The following FAM169A variants were observed in gnomAD, a reference collection of about 807,000 sequenced individuals.
FAM169A encodes family with sequence similarity 169 member A, also known as soluble lamin-associated protein of 75 kDa.
A neutral mutation model predicts 75.7 loss-of-function variants in FAM169A; 24 were observed. The ratio of observed to expected loss-of-function variants is 0.32; its 90% CI spans 0.23 to 0.45. The LOEUF is 0.45. FAM169A is among the 20% of genes least tolerant of loss of function. The pLI is 1.00. For synonymous variants in FAM169A, 271 were observed against 271.0 expected (o/e 1.00, Z 0.00); for missense variants, 673 against 784.0 (o/e 0.86, Z 1.69).
At chr5:74,798,021 G>A (rs965703360) in intron 10 of FAM169A, among the ~76,000 whole-genome samples, 11 of 152,192 alleles carry the variant, frequency 7.2e-5, no homozygotes, top group Non-Finnish European at 1.3e-4. Context: ...ATAGTTGGTG[G>A]ACCTTTACAC....
At chr5:74,794,781 A>C (rs1414395266) in intron 11 of FAM169A, among the ~76,000 whole-genome samples, 1 of 150,644 alleles carries the variant, frequency 6.6e-6, no homozygotes, top group African/African-American at 2.4e-5. Context: ...TCCGTCTCAA[A>C]AAAAAAAAAA....
chr5:74,799,392 G>T, intron 10 of FAM169A: 3 of 1,613,112 alleles, frequency 1.9e-6, no homozygotes, highest in Non-Finnish European at 2.5e-6. Flanking sequence ...ACTGGTGGGT[G>T]AGCAAGCACA....
intron 5 of FAM169A, among the ~76,000 whole-genome samples, chr5:74,819,282 C>T (rs1290340255): frequency 3.3e-5 from 5 of 151,616 alleles, no homozygotes; most frequent in Non-Finnish European, 7.4e-5. Flanking sequence ...ACACAAATGG[C>T]CAATAAGCAC....
In FAM169A at chr5:74,855,697, GA is replaced by G. The variant is rs761977511; in HGVS notation, c.-4+10467del. 3.3e-5 allele frequency among the ~76,000 whole-genome samples: 5 copies of G among 152,182 alleles called. No individual in the cohort carries two copies. The East Asian group carries it at 9.6e-4, about 29-fold the overall frequency. ...TATTCTGGTTATTAATTCCTTGTCA[GA>G]TAGACAGTTTGCAGATATTTTCTCC... is the stretch of plus-strand genomic sequence containing the variant. On this transcript the variant is annotated intron_variant, in intron 1 of 12. Coordinates refer to ENST00000687041, the MANE Select transcript of FAM169A (RefSeq NM_001376049.1).
intron 1 of FAM169A, among the ~76,000 whole-genome samples, chr5:74,863,415 A>G (rs1750143318): frequency 1.3e-5 from 2 of 152,166 alleles, no homozygotes; most frequent in African/African-American, 4.8e-5. Flanking sequence ...TAATCACACA[A>G]TTCCTTTTTT....
chr5:74,822,321 A>T (rs1295613544), intron 5 of FAM169A, among the ~76,000 whole-genome samples: 1 of 152,224 alleles, frequency 6.6e-6, no homozygotes, highest in Admixed American at 6.5e-5. Flanking sequence ...TATTTTGTAA[A>T]GAACTAGTCA....
intron 1 of FAM169A, among the ~76,000 whole-genome samples, chr5:74,858,383 A>C (rs1007180673): frequency 2.6e-5 from 4 of 152,148 alleles, no homozygotes; most frequent in Non-Finnish European, 4.4e-5. Flanking sequence ...GTGAGACTCC[A>C]TCTCAAAAAA....
At chr5:74,844,474 AAAAAGAAAAG>A (rs531076219) in intron 1 of FAM169A, among the ~76,000 whole-genome samples, 2 of 151,986 alleles carry the variant, frequency 1.3e-5, no homozygotes, top group African/African-American at 2.4e-5. Context: ...AAAAAAACAA[AAAAAGAAAAG>A]AAAAGAAAAG....
At position 74,781,353 on chromosome 5, in the gene FAM169A, T is replaced by G; in HGVS notation, c.*107A>C. ...CATAGTAAGTAAGTTCAAATTGAAA[T>G]TTTGGAAATTTTTGTCCTGTGCCCC... On this transcript the variant is annotated 3_prime_UTR_variant, in exon 13 of 13. Coordinates refer to ENST00000687041, the MANE Select transcript of FAM169A (RefSeq NM_001376049.1). The G allele has an allele frequency of 1.8e-6, 2 of 1,092,104 alleles. No individual in the cohort carries two copies. Among genetic ancestry groups the G allele is most frequent in the Non-Finnish European group, 2.6e-6 (2 of 762,626 alleles). The allele number at this position is 1,092,104 out of a possible 1,614,324, so 67.7% of individuals were successfully genotyped here. A position where few individuals can be genotyped will look rare whatever the true frequency, so the allele number is the denominator to read the frequency against.
At chr5:74,799,426 G>A in intron 10 of FAM169A, 1 of 1,613,148 alleles carries the variant, frequency 6.2e-7, no homozygotes, top group Non-Finnish European at 8.5e-7. Flanking sequence ...TCGCTCCACA[G>A]TCCTCAGCTT....
At chr5:74,851,256 G>A (rs961188346) in intron 1 of FAM169A, among the ~76,000 whole-genome samples, 1 of 152,174 alleles carries the variant, frequency 6.6e-6, no homozygotes, top group Non-Finnish European at 1.5e-5. Context: ...AGCTCACTTC[G>A]TAGTGCAGTC....
intron 1 of FAM169A, among the ~76,000 whole-genome samples, chr5:74,853,489 G>A (rs1044275007): frequency 6.6e-6 from 1 of 152,088 alleles, no homozygotes; most frequent in African/African-American, 2.4e-5. Flanking sequence ...TCTGAGCCTA[G>A]GCAATCTGTC....
At chr5:74,791,207 T>G (rs1281521386) in intron 11 of FAM169A, among the ~76,000 whole-genome samples, 1 of 152,186 alleles carries the variant, frequency 6.6e-6, no homozygotes, top group African/African-American at 2.4e-5. Context: ...GTGATAATAC[T>G]TAGCAGGGCT....
intron 8 of FAM169A, 109 bp from the exon 9 acceptor site, chr5:74,801,738 C>T: frequency 1.3e-6 from 1 of 792,202 alleles, no homozygotes; most frequent in Non-Finnish European, 2.1e-6. Context: ...TTCCAAATAG[C>T]ACTTTTTGTT....
At chr5:74,799,672 A>C in intron 10 of FAM169A, 1 of 1,286,266 alleles carries the variant, frequency 7.8e-7, no homozygotes, top group Non-Finnish European at 1.1e-6. Context: ...CCACGACAGC[A>C]CCATGTCTGC....
chr5:74,804,708 G>T (rs1746773161), intron 7 of FAM169A, 103 bp from the exon 8 acceptor site: 1 of 575,226 alleles, frequency 1.7e-6, no homozygotes, highest in Non-Finnish European at 3.0e-6. Flanking sequence ...AGCCTGGACA[G>T]AAGGGTCACG....
At chr5:74,820,409 A>G (rs1228108196) in intron 5 of FAM169A, among the ~76,000 whole-genome samples, 1 of 152,166 alleles carries the variant, frequency 6.6e-6, no homozygotes, top group East Asian at 1.9e-4. Context: ...ACCATTTATA[A>G]CCAGATTTTG....
chr5:74,793,845 T>C (rs1036649403), intron 11 of FAM169A, among the ~76,000 whole-genome samples: 3 of 150,210 alleles, frequency 2.0e-5, no homozygotes, highest in African/African-American at 7.4e-5. Flanking sequence ...CTACTAAAAA[T>C]AGAAAAAATT....
intron 5 of FAM169A, among the ~76,000 whole-genome samples, chr5:74,829,406 G>T (rs1201066420): frequency 6.6e-6 from 1 of 152,176 alleles, no homozygotes; most frequent in East Asian, 1.9e-4. Context: ...GTCCAAGATA[G>T]GCAATAATTT....
Sources: allele counts gnomAD v4.1 joint callset (sites outside exome capture counted in the v4.1 genomes callset), GRCh38; gene constraint gnomAD v4.1.1; transcripts MANE v1.5; gene names NCBI Gene and HGNC (gene_info 2026-07-23, HGNC 2026-07-21).